Variants in ARHGEF7 observed in about 807,000 individuals in gnomAD.
ARHGEF7 encodes the protein PAK-interacting exchange factor beta.
A neutral mutation model predicts 109.8 loss-of-function variants in ARHGEF7; 33 were observed. The ratio of observed to expected loss-of-function variants is 0.30; its 90% confidence interval spans 0.23 to 0.40. ARHGEF7 has a LOEUF of 0.40. Ranked by LOEUF, ARHGEF7 falls within the 10% of genes least tolerant of loss-of-function variation. The pLI is 1.00. For missense variants in ARHGEF7, 938 were observed against 1,098.5 expected (o/e 0.85, Z 2.07); for synonymous variants, 458 against 424.6 (o/e 1.08, Z -0.97).
At chr13:111,189,235 G>A (rs541612182) in intron 2 of ARHGEF7, among the ~76,000 whole-genome samples, 2 of 152,302 alleles carry the variant, frequency 1.3e-5, no homozygotes, top group African/African-American at 4.8e-5. Flanking sequence ...GGTTCCTTCT[G>A]GTGGGTTCTT....
rs2091634640 is a variant in ARHGEF7, at chr13:111,266,329, T to C, written c.951-1219T>C. Among the ~76,000 whole-genome samples the C allele has an allele frequency of 6.6e-6, 1 of 152,154 alleles. No homozygotes were observed. Reference sequence around the variant, plus strand: ...CTTCGCATCCTTGTTTCTGGGCTTCTGAATGACTCTGCTGTTGTCTGGGGC... The same window carrying C: ...CTTCGCATCCTTGTTTCTGGGCTTCCGAATGACTCTGCTGTTGTCTGGGGC... On this transcript the variant is annotated intron_variant, in intron 8 of 21. Transcript: ENST00000646102. This position sits in a 1 kb window ranked among gnomAD's most constrained non-coding sequence, Gnocchi z 4.8.
intron 1 of ARHGEF7, among the ~76,000 whole-genome samples, chr13:111,126,070 C>T (rs1017266452): frequency 3.3e-5 from 5 of 152,180 alleles, no homozygotes; most frequent in African/African-American, 9.7e-5. Context: ...TAGGAAAGTG[C>T]CTTAAGACCT....
chr13:111,126,338 A>G (rs1477273233), intron 1 of ARHGEF7, among the ~76,000 whole-genome samples: 1 of 152,152 alleles, frequency 6.6e-6, no homozygotes, highest in Non-Finnish European at 1.5e-5. Context: ...TAAAATACAA[A>G]AATTAGCTGG....
At chr13:111,300,522 A>G (rs569727550) in intron 19 of ARHGEF7, among the ~76,000 whole-genome samples, 1 of 152,356 alleles carries the variant, frequency 6.6e-6, no homozygotes, top group African/African-American at 2.4e-5. Flanking sequence ...AAAGGGCTAC[A>G]GTTTCCTTCC....
chr13:111,149,536 A>C (rs1055183001), intron 1 of ARHGEF7, among the ~76,000 whole-genome samples: 16 of 152,282 alleles, frequency 1.1e-4, no homozygotes, highest in Admixed American at 8.5e-4. Context: ...ATATAGCGTT[A>C]GGATCCACGA....
chr13:111,120,234 A>G (rs1350163668), intron 1 of ARHGEF7, among the ~76,000 whole-genome samples: 4 of 152,232 alleles, frequency 2.6e-5, no homozygotes, highest in African/African-American at 7.2e-5. Flanking sequence ...CTGGCTCACT[A>G]AAAAGAAAGC....
chr13:111,294,451 A>G (rs1428274115), intron 19 of ARHGEF7: 1 of 985,278 alleles, frequency 1.0e-6, no homozygotes, highest in East Asian at 1.1e-4. Flanking sequence ...GGACATTTTC[A>G]TTGATATTCT....
At chr13:111,256,258 A>G (rs1595239327) in intron 8 of ARHGEF7, among the ~76,000 whole-genome samples, 1 of 152,268 alleles carries the variant, frequency 6.6e-6, no homozygotes, top group African/African-American at 2.4e-5. Flanking sequence ...CGTTCAGGAA[A>G]GAAACATTTT....
chr13:111,138,852 G>GT (rs1387493889), intron 1 of ARHGEF7, among the ~76,000 whole-genome samples: 1 of 152,154 alleles, frequency 6.6e-6, no homozygotes, highest in Admixed American at 6.5e-5. Flanking sequence ...AGCTGGGTCT[G>GT]GAGAACCGGC....
chr13:111,179,734 C>T (rs1342080154), intron 2 of ARHGEF7, among the ~76,000 whole-genome samples: 1 of 152,126 alleles, frequency 6.6e-6, no homozygotes, highest in Non-Finnish European at 1.5e-5. Flanking sequence ...ATCGCTTTAA[C>T]GTTAGGATTT....
rs1451729070 is a variant in ARHGEF7 at position 111,305,492 on chromosome 13, A to C, written c.*2379A>C. On this transcript the variant is annotated 3_prime_UTR_variant, in exon 22 of 22. Coordinates refer to ENST00000646102, the MANE Select transcript of ARHGEF7 (RefSeq NM_001354046.2). ...TAGCATCAGAAGCTCGTTCCTTCAC[A>C]CTCAGTGGCGTCTGTGCTTGTCCAC... 6.6e-6 allele frequency: 1 copy of C among 152,192 alleles called. No homozygotes were observed. Among genetic ancestry groups the C allele is most frequent in the Non-Finnish European group, 1.5e-5 (1 of 68,052 alleles). The allele number at this position is 152,192 out of a possible 1,614,324, so 9.4% of individuals were successfully genotyped here. A position where few individuals can be genotyped will look rare whatever the true frequency, so the allele number is the denominator to read the frequency against.
At chr13:111,128,382 A>T (rs2067718722) in intron 1 of ARHGEF7, among the ~76,000 whole-genome samples, 2 of 152,236 alleles carry the variant, frequency 1.3e-5, no homozygotes, top group African/African-American at 2.4e-5. Flanking sequence ...AATCCCAGCT[A>T]CTCAGGAGGC....
At chr13:111,157,289 AT>A (rs5806888) in intron 2 of ARHGEF7, among the ~76,000 whole-genome samples, 124,489 of 147,558 alleles carry the variant, frequency 0.84, 52,758 homozygotes, top group South Asian at 0.93. Context: ...GCATGCTTAA[AT>A]TTTTTTTTTT....
At chr13:111,283,616 C>G (rs548671236) in intron 16 of ARHGEF7, among the ~76,000 whole-genome samples, 1 of 152,204 alleles carries the variant, frequency 6.6e-6, no homozygotes, top group Admixed American at 6.5e-5. Context: ...ACTGCACTTG[C>G]CGGAGGAGTG....
chr13:111,115,779 G>C, intron 1 of ARHGEF7, 88 bp downstream of exon 1: 1 of 806,718 alleles, frequency 1.2e-6, no homozygotes, highest in South Asian at 5.7e-5. Flanking sequence ...GGCCGGCCGC[G>C]CTCGGGAAAC....
intron 2 of ARHGEF7, among the ~76,000 whole-genome samples, chr13:111,183,951 C>G (rs1053832493): frequency 3.9e-5 from 6 of 152,018 alleles, no homozygotes; most frequent in Admixed American, 3.9e-4. Context: ...GCGGGTGGGA[C>G]TGCATTTTTT....
chr13:111,189,517 C>T (rs565514227), intron 2 of ARHGEF7, among the ~76,000 whole-genome samples: 39 of 152,238 alleles, frequency 2.6e-4, no homozygotes, highest in African/African-American at 7.7e-4. Context: ...TGCAGACCCT[C>T]GTGGTGAGTG....
At position 111,133,777 on chromosome 13, in the gene ARHGEF7, AT is replaced by A. The variant is rs1566606539; in HGVS notation, c.165+18087del. ...TCTGCTTTTCTTTATATATATATAT[AT>A]ATATATATATATATATATATATATA... On this transcript the variant is annotated intron_variant, in intron 1 of 21. Transcript: ENST00000646102. Among the ~76,000 whole-genome samples the A allele has an allele frequency of 1.8e-3, 39 of 21,206 alleles. 1 individual carries two copies. The highest frequency in any genetic ancestry group is 4.4e-3 in the African/African-American group (29 of 6,520). The allele number at this position is 21,206 out of a possible 152,430, so 13.9% of individuals were successfully genotyped here.
rs1269199260 is a variant in ARHGEF7 at position 111,156,011 on chromosome 13, G to A, written c.252+2020G>A. ...GAGACAGGAGAATCCCTTGAACCCC[G>A]GAGGCAGAGGTTGCAGTGAGCTGAG... On this transcript the variant is annotated intron_variant, in intron 2 of 21. Coordinates refer to ENST00000646102, the MANE Select transcript of ARHGEF7 (RefSeq NM_001354046.2). Among the ~76,000 whole-genome samples the A allele has an allele frequency of 6.0e-5, 9 of 149,894 alleles. No individual in the cohort carries two copies. The East Asian group carries it at 1.6e-3, about 26-fold the overall frequency.
Sources: gnomAD v4.1 joint callset for allele counts (sites outside exome capture counted in the v4.1 genomes callset) on GRCh38, gnomAD v4.1.1 for gene constraint, Gnocchi (gnomAD v3.1) non-coding constraint, MANE v1.5 for transcripts, NCBI Gene and HGNC (gene_info 2026-07-23, HGNC 2026-07-21) for gene names.